The following ADCY7 variants were observed in gnomAD, a reference collection of about 807,000 sequenced individuals.
ADCY7 encodes adenylate cyclase type 7.
Under a neutral mutation model 120.6 loss-of-function variants are expected in ADCY7, and 72 were observed. That is an observed-to-expected ratio of 0.60 (90% CI 0.49 to 0.73). The LOEUF (loss-of-function observed/expected upper bound fraction) is 0.73. Ranked by LOEUF, ADCY7 falls within the 30% of genes least tolerant of loss-of-function variation. The pLI is 0.00. For missense variants in ADCY7, 1,227 were observed against 1,486.0 expected (o/e 0.83, Z 2.87); for synonymous variants, 661 against 628.0 (o/e 1.05, Z -0.78).
chr16:50,289,958 C>T (rs538259109), intron 2 of ADCY7, among the ~76,000 whole-genome samples: 59 of 152,334 alleles, frequency 3.9e-4, no homozygotes, highest in African/African-American at 1.4e-3. Flanking sequence ...CCCCCACGGA[C>T]CTCCCGGATG....
intron 1 of ADCY7, among the ~76,000 whole-genome samples, chr16:50,259,308 C>T (rs1223426874): frequency 2.0e-5 from 3 of 152,180 alleles, no homozygotes; most frequent in African/African-American, 7.2e-5. Context: ...TCTGAAGCCC[C>T]CTTTGAGGAT....
chr16:50,252,765 C>T (rs987814672), intron 1 of ADCY7, among the ~76,000 whole-genome samples: 1 of 152,048 alleles, frequency 6.6e-6, no homozygotes, highest in Non-Finnish European at 1.5e-5. Context: ...GGAAAAAGCT[C>T]GTTTCTTATT....
At chr16:50,285,827 T>C (rs2034545655) in intron 1 of ADCY7, among the ~76,000 whole-genome samples, 1 of 152,162 alleles carries the variant, frequency 6.6e-6, no homozygotes, top group Non-Finnish European at 1.5e-5. Context: ...CTGATGGGGA[T>C]CCCTGGGGAG....
At chr16:50,302,482 G>GT (rs2151028308) in intron 10 of ADCY7, among the ~76,000 whole-genome samples, 1 of 152,270 alleles carries the variant, frequency 6.6e-6, no homozygotes, top group African/African-American at 2.4e-5. Flanking sequence ...TCAGATAACT[G>GT]TAAATCATGT....
rs774672970 is a variant in ADCY7 at position 50,305,844 on chromosome 16, C to T, written c.1747C>T (p.Arg583Cys). The T allele has an allele frequency of 2.7e-5, 43 of 1,613,722 alleles. No individual in the cohort carries two copies. The highest frequency in any genetic ancestry group is 1.3e-4 in the East Asian group (6 of 44,886). Residue 583 changes from arginine (R) to cysteine (C), a missense_variant, in exon 14 of 26, where the codon CGC becomes TGC. Around this residue, in one of 5 missense-constraint regions of ADCY7, gnomAD observed 332 missense variants for 455.8 expected, o/e 0.73. Coordinates refer to ENST00000673801, the MANE Select transcript of ADCY7 (RefSeq NM_001114.5). Reference protein sequence around the residue: ...GSIFLEKGFEREYRLAPIPRA... With the variant: ...GSIFLEKGFECEYRLAPIPRA... ...CATCTTCCTGGAGAAGGGCTTTGAGCGCGAGGTGAGGGCCCCCAGCAGCCT... is the reference window on the plus strand; with the variant it reads ...CATCTTCCTGGAGAAGGGCTTTGAGTGCGAGGTGAGGGCCCCCAGCAGCCT...
intron 22 of ADCY7, chr16:50,313,709 C>T (rs2036616804): frequency 6.4e-6 from 3 of 470,964 alleles, no homozygotes; most frequent in Non-Finnish European, 1.1e-5. Context: ...TGTGTTTGCT[C>T]TGTGCAGACA....
upstream of ADCY7, among the ~76,000 whole-genome samples, chr16:50,261,676 T>C (rs1453319383): frequency 6.6e-6 from 1 of 151,096 alleles, no homozygotes; most frequent in East Asian, 1.9e-4. Context: ...CTCCTGACTT[T>C]ACAGAGGGAC....
At position 50,291,880 on chromosome 16, in the gene ADCY7, G is replaced by A. The variant is rs1188105873; in HGVS notation, c.520G>A (p.Val174Ile). Residue 174 changes from valine to isoleucine, a missense_variant, in exon 4 of 26, where the codon GTC becomes ATC. Around this residue, in one of 5 missense-constraint regions of ADCY7, gnomAD observed 382 missense variants for 411.4 expected, o/e 0.93. Transcript: ENST00000673801. ...SLMGGFTTPS[V>I]RVGLQLLANA... ...GATGGGAGGCTTCACGACACCCAGT[G>A]TCCGGGTGGGGCTGCAGGTGAGGGA... 1 of 1,612,336 alleles carries A rather than the reference G, an allele frequency of 6.2e-7. No homozygotes were observed.
At chr16:50,265,599 CA>C (rs2150811222), upstream of ADCY7, among the ~76,000 whole-genome samples, 1 of 152,334 alleles carries the variant, frequency 6.6e-6, no homozygotes, top group East Asian at 1.9e-4. Flanking sequence ...CTAGGAAAGA[CA>C]GACCAGCAAC....
At chr16:50,262,156 G>A (rs2033075644), upstream of ADCY7, among the ~76,000 whole-genome samples, 2 of 152,080 alleles carry the variant, frequency 1.3e-5, no homozygotes, top group South Asian at 4.2e-4. Context: ...ACTGTTTCAT[G>A]GCCTCATCTT....
chr16:50,267,523 TGGGCTGGATGTGTCTGGAA>T (rs2033297188), intron 1 of ADCY7, among the ~76,000 whole-genome samples: 1 of 151,906 alleles, frequency 6.6e-6, no homozygotes, highest in African/African-American at 2.4e-5. Flanking sequence ...GCAGCCAGTG[TGGGCTGGATGTGTCTGGAA>T]GGGCTATGTG....
intron 1 of ADCY7, among the ~76,000 whole-genome samples, chr16:50,268,064 C>T (rs148567631): frequency 6.6e-5 from 10 of 152,076 alleles, no homozygotes; most frequent in Admixed American, 3.3e-4. Context: ...GTGGAGGTAG[C>T]GTCTCCGGTG....
intron 1 of ADCY7, among the ~76,000 whole-genome samples, chr16:50,259,348 G>C (rs1288573336): frequency 1.3e-5 from 2 of 152,236 alleles, no homozygotes; most frequent in Non-Finnish European, 2.9e-5. Context: ...CTTCCTCCCT[G>C]CCTGTCCATG....
At chr16:50,269,871 G>A (rs2033447561) in intron 1 of ADCY7, among the ~76,000 whole-genome samples, 1 of 152,094 alleles carries the variant, frequency 6.6e-6, no homozygotes, top group African/African-American at 2.4e-5. Flanking sequence ...TCATGGGGTG[G>A]GAGGGAGGCA....
intron 24 of ADCY7, chr16:50,314,713 C>T (rs1307394296): frequency 2.2e-6 from 1 of 453,226 alleles, no homozygotes; most frequent in African/African-American, 2.0e-5. Flanking sequence ...CGGGCCTGCG[C>T]TCAAAGCCAG....
chr16:50,307,647 A>G (rs2036157018), intron 15 of ADCY7, among the ~76,000 whole-genome samples: 1 of 152,150 alleles, frequency 6.6e-6, no homozygotes, highest in African/African-American at 2.4e-5. Flanking sequence ...GCTTTCTAGA[A>G]GAGCAGTTAG....
rs1408463089 is a variant in ADCY7, at chr16:50,317,852, A to AAAAT, written c.*2350_*2353dup. On this transcript the variant is annotated 3_prime_UTR_variant, in exon 26 of 26. Transcript: ENST00000673801. ...AATTTCTCCTGAGTTAACTTTTGTG[A>AAAAT]AAATAATACCTAAGGTTTTCTGGCT... The AAAAT allele has an allele frequency of 1.0e-4, 16 of 152,428 alleles. No individual in the cohort carries two copies. The East Asian group carries it at 3.0e-3, about 29-fold the overall frequency. The allele number at this position is 152,428 out of a possible 1,614,324, so 9.4% of individuals were successfully genotyped here.
In ADCY7 at chr16:50,312,607, C is replaced by T. The variant is rs534765221; in HGVS notation, c.2605-283C>T. Among the ~76,000 whole-genome samples the T allele has an allele frequency of 3.9e-5, 6 of 152,266 alleles. No individual in the cohort carries two copies. In the East Asian group the frequency reaches 5.8e-4, roughly 15 times the overall value. Reference sequence around the variant, plus strand: ...AGGCCCAGTGAGAATGAAGACCTCCCGTTACCCTCCACTACTGCAGAGGTT... The same window carrying T: ...AGGCCCAGTGAGAATGAAGACCTCCTGTTACCCTCCACTACTGCAGAGGTT... On this transcript the variant is annotated intron_variant, in intron 21 of 25. Transcript: ENST00000673801.
chr16:50,281,739 G>C (rs1345493844), intron 1 of ADCY7, among the ~76,000 whole-genome samples: 3 of 152,190 alleles, frequency 2.0e-5, no homozygotes, highest in Admixed American at 6.5e-5. Context: ...GCTGGGCTTG[G>C]GGGGATGGGA....
Sources: gnomAD v4.1 joint callset for allele counts (sites outside exome capture counted in the v4.1 genomes callset) on GRCh38, gnomAD v4.1.1 for gene constraint, gnomAD v4.1.1 regional missense constraint, MANE v1.5 for transcripts, NCBI Gene and HGNC (gene_info 2026-07-23, HGNC 2026-07-21) for gene names.